Variants in C1QTNF9 observed in about 807,000 individuals in gnomAD.
The protein encoded by C1QTNF9 is complement C1q and tumor necrosis factor-related protein 9A.
Under a neutral mutation model 10.1 loss-of-function variants are expected in C1QTNF9, and 6 were observed. The observed-to-expected ratio is 0.59, with a 90% CI of 0.32 to 1.17. The LOEUF is 1.17. Among genes scored for constraint, C1QTNF9 ranks in the 50% most tolerant of loss-of-function variants. C1QTNF9 has a pLI of 0.04. For missense variants in C1QTNF9, 201 were observed against 418.8 expected (o/e 0.48, Z 4.54); for synonymous variants, 98 against 163.5 (o/e 0.60, Z 3.06).
upstream of C1QTNF9, among the ~76,000 whole-genome samples, chr13:24,308,309 G>A (rs1269363626): frequency 1.3e-5 from 2 of 152,340 alleles, no homozygotes; most frequent in South Asian, 4.1e-4. Context: ...CGCGCGTTCC[G>A]TCGGGGCCGC....
chr13:24,320,332 A>ATG (rs1444744025), intron 3 of C1QTNF9, among the ~76,000 whole-genome samples: 3 of 152,146 alleles, frequency 2.0e-5, no homozygotes, highest in African/African-American at 7.2e-5. Flanking sequence ...GTGTGTTGGG[A>ATG]TGTGTGTGTG....
chr13:24,317,920 G>A (rs56038706), intron 2 of C1QTNF9, among the ~76,000 whole-genome samples: 18,836 of 151,926 alleles, frequency 0.12, 1,275 homozygotes, highest in Middle Eastern at 0.26. Context: ...GAGGTCCCAC[G>A]CTGACCAAGG....
intron 2 of C1QTNF9, among the ~76,000 whole-genome samples, chr13:24,317,482 T>A (rs1241608769): frequency 1.3e-5 from 2 of 152,146 alleles, no homozygotes; most frequent in Non-Finnish European, 1.5e-5. Context: ...TTTTATATAC[T>A]TCTTAGAAGC....
chr13:24,308,789 T>G (rs1176841790), upstream of C1QTNF9, among the ~76,000 whole-genome samples: 1 of 152,364 alleles, frequency 6.6e-6, no homozygotes, highest in African/African-American at 2.4e-5. Flanking sequence ...TCCTGCTGCG[T>G]GCACTGCGGC....
chr13:24,319,319 G>T (rs1396698115), intron 3 of C1QTNF9, among the ~76,000 whole-genome samples: 1 of 152,090 alleles, frequency 6.6e-6, no homozygotes, highest in South Asian at 2.1e-4. Context: ...TAAGAGAATC[G>T]CTTGAACCTA....
intron 2 of C1QTNF9, 133 bp downstream of exon 2, chr13:24,316,302 C>T (rs1878035925): frequency 2.2e-6 from 3 of 1,334,064 alleles, no homozygotes; most frequent in Admixed American, 4.3e-5. Context: ...AACCCAGCAA[C>T]ACTCACTGGA....
In C1QTNF9 at chr13:24,318,695, G is replaced by A. The variant is rs980781461; in HGVS notation, c.167-123G>A. 17 of 1,285,076 alleles carry A rather than the reference G, an allele frequency of 1.3e-5. No homozygotes were observed. The Admixed American group carries it at 2.3e-4, about 18-fold the overall frequency. 79.6% of individuals were successfully genotyped at this position (1,285,076 alleles called of 1,614,324 possible). On this transcript the variant is annotated intron_variant, in intron 2 of 3. Transcript: ENST00000332018. ...TCCACCTGCGCTTGTGTGGAGGACA[G>A]AGTGCCCGTCAGGGCGGGGGTCACC...
intron 1 of C1QTNF9, among the ~76,000 whole-genome samples, chr13:24,313,023 T>G (rs1379924195): frequency 6.6e-6 from 1 of 151,474 alleles, no homozygotes; most frequent in Non-Finnish European, 1.5e-5. Context: ...ATCCCAGCTA[T>G]TCAGAAGGCT....
At position 24,320,411 on chromosome 13, in the gene C1QTNF9, A is replaced by G. The variant is rs575013461; in HGVS notation, c.230-585A>G. ...TTATTTTTATTTTTTTTGAGACAGA[A>G]TCTCACTCTGTTGCCCAGGCTGCAG... On this transcript the variant is annotated intron_variant, in intron 3 of 3. Transcript: ENST00000332018. Among the ~76,000 whole-genome samples the G allele has an allele frequency of 2.2e-3, 336 of 152,100 alleles. 1 individual carries two copies. The highest frequency in any genetic ancestry group is 3.1e-3 in the Non-Finnish European group (211 of 67,990).
intron 3 of C1QTNF9, among the ~76,000 whole-genome samples, chr13:24,320,577 G>A (rs1878216014): frequency 6.6e-6 from 1 of 152,114 alleles, no homozygotes; most frequent in Admixed American, 6.5e-5. Flanking sequence ...CAGAGATAAG[G>A]TTTGGCCATG....
chr13:24,318,559 C>A (rs1460145406), intron 2 of C1QTNF9, among the ~76,000 whole-genome samples: 1 of 151,998 alleles, frequency 6.6e-6, no homozygotes, highest in African/African-American at 2.4e-5. Context: ...TCTTGCTGTG[C>A]GCTCTAGGCA....
chr13:24,313,588 C>T (rs929339365), intron 1 of C1QTNF9, among the ~76,000 whole-genome samples: 16 of 152,256 alleles, frequency 1.1e-4, no homozygotes, highest in Admixed American at 5.2e-4. Flanking sequence ...TTTGTGACTT[C>T]GAAGGGAAGC....
chr13:24,312,122 A>C (rs1236356426), intron 1 of C1QTNF9, among the ~76,000 whole-genome samples: 1 of 152,252 alleles, frequency 6.6e-6, no homozygotes, highest in Non-Finnish European at 1.5e-5. Context: ...AAGCACTGAC[A>C]AGGATCAGAG....
At chr13:24,308,411 C>A (rs1327131621), upstream of C1QTNF9, among the ~76,000 whole-genome samples, 1 of 152,238 alleles carries the variant, frequency 6.6e-6, no homozygotes. Context: ...GACTCAGGGG[C>A]TCCTTGCGTT....
intron 1 of C1QTNF9, among the ~76,000 whole-genome samples, chr13:24,313,178 G>A (rs1007699856): frequency 6.6e-5 from 10 of 152,140 alleles, no homozygotes; most frequent in South Asian, 2.1e-4. Flanking sequence ...TTGGGAGAAC[G>A]CATATTAGTT....
At chr13:24,307,869 C>G (rs1303175217), upstream of C1QTNF9, among the ~76,000 whole-genome samples, 1 of 152,242 alleles carries the variant, frequency 6.6e-6, no homozygotes, top group Non-Finnish European at 1.5e-5. Context: ...GCCGCAGCAG[C>G]CCCGGAGGCT....
intron 2 of C1QTNF9, among the ~76,000 whole-genome samples, chr13:24,316,879 C>A (rs1961993): frequency 0.76 from 115,004 of 152,082 alleles, 44,214 homozygotes; most frequent in East Asian, 0.96. Context: ...ACCATAGGGT[C>A]ACATATCTAA....
At chr13:24,317,267 G>A (rs1288100226) in intron 2 of C1QTNF9, among the ~76,000 whole-genome samples, 1 of 151,922 alleles carries the variant, frequency 6.6e-6, no homozygotes, top group Non-Finnish European at 1.5e-5. Flanking sequence ...GTGTGTGTGT[G>A]TGTGTGTGTG....
rs375656498 is a variant in C1QTNF9 at position 24,316,948 on chromosome 13, AT to A, written c.166+780del. Among the ~76,000 whole-genome samples, 20 of 152,352 alleles carry A rather than the reference AT, an allele frequency of 1.3e-4. No individual in the cohort carries two copies. The South Asian group carries it at 1.5e-3, about 11-fold the overall frequency. On this transcript the variant is annotated intron_variant, in intron 2 of 3. Transcript: ENST00000332018. Reference sequence around the variant, plus strand: ...CACAGTTCAGTGGCATTACAAAAAAATATATCAAAACTTCTATGGACCTTTT... The same window carrying A: ...CACAGTTCAGTGGCATTACAAAAAAAATATCAAAACTTCTATGGACCTTTT...
Sources: allele counts gnomAD v4.1 joint callset (sites outside exome capture counted in the v4.1 genomes callset), GRCh38; gene constraint gnomAD v4.1.1; transcripts MANE v1.5; gene names NCBI Gene and HGNC (gene_info 2026-07-23, HGNC 2026-07-21).